Variants in SEZ6 observed in about 807,000 individuals in gnomAD.
SEZ6 encodes seizure related 6 homolog.
SEZ6 carries 53 observed loss-of-function variants against 101.0 expected under a neutral mutation model. That is an observed-to-expected ratio of 0.52 (90% CI 0.42 to 0.66). The LOEUF (loss-of-function observed/expected upper bound fraction) is 0.66. SEZ6 is among the 30% of genes least tolerant of loss of function. SEZ6 has a pLI of 0.00. For missense variants in SEZ6, 1,102 were observed against 1,289.4 expected (o/e 0.85, Z 2.23); for synonymous variants, 488 against 512.2 (o/e 0.95, Z 0.64).
chr17:29,005,906 G>A lies in SEZ6; in HGVS notation c.-37C>T. 7.1e-7 allele frequency: 1 copy of A among 1,408,586 alleles called. No homozygotes were observed. Among genetic ancestry groups the A allele is most frequent in the South Asian group, 1.4e-5 (1 of 71,726 alleles). The allele number at this position is 1,408,586 out of a possible 1,614,324, so 87.3% of individuals were successfully genotyped here. A position where few individuals can be genotyped will look rare whatever the true frequency, so the allele number is the denominator to read the frequency against. On this transcript the variant is annotated 5_prime_UTR_variant, in exon 1 of 17. Transcript: ENST00000317338. This position sits in a 1 kb window ranked among gnomAD's most constrained non-coding sequence, Gnocchi z 4.8. ...CGGCCGCGCCCTGGGCTGGGACCGC[G>A]GCGGGAGGGCGGGGGGCTTGGTGGG...
intron 1 of SEZ6, among the ~76,000 whole-genome samples, chr17:28,995,777 G>A (rs972537280): frequency 1.3e-5 from 2 of 152,156 alleles, no homozygotes; most frequent in African/African-American, 4.8e-5. Flanking sequence ...GGGACCCAGG[G>A]TGAAGGCTCA....
chr17:28,997,250 C>A (rs892979382), intron 1 of SEZ6, among the ~76,000 whole-genome samples: 1 of 152,164 alleles, frequency 6.6e-6, no homozygotes, highest in African/African-American at 2.4e-5. Flanking sequence ...ACATTCACAC[C>A]TTTGCCCGGA....
intron 4 of SEZ6, among the ~76,000 whole-genome samples, chr17:28,967,891 C>T (rs539036070): frequency 6.6e-6 from 1 of 152,292 alleles, no homozygotes; most frequent in South Asian, 2.1e-4. Context: ...GGAGCCTGAA[C>T]CACTGCAATC....
chr17:29,003,447 C>T (rs1307929477), intron 1 of SEZ6, among the ~76,000 whole-genome samples: 1 of 152,264 alleles, frequency 6.6e-6, no homozygotes. Flanking sequence ...CTGGGCCGTG[C>T]CTGGCTACAT....
Position 28,981,394 on chromosome 17 carries a change from G to A in SEZ6, c.701C>T (p.Thr234Ile), listed in dbSNP as rs975163109. 1.3e-6 allele frequency: 2 copies of A among 1,551,934 alleles called. No homozygotes were observed. The highest frequency in any genetic ancestry group is 2.0e-5 in the Admixed American group (1 of 51,094). Residue 234 changes from threonine (T) to isoleucine (I), a missense_variant, in exon 2 of 17, where the codon ACC (threonine) becomes ATC (isoleucine). Around this residue, in one of 3 missense-constraint regions of SEZ6, gnomAD observed 406 missense variants for 418.6 expected, o/e 0.97. Transcript: ENST00000317338. Reference protein sequence around the residue: ...TTTTTTIITTTITTVQTPGPC... With the variant: ...TTTTTTIITTIITTVQTPGPC... ...ACCTGGTGTCTGGACTGTGGTGATG[G>A]TGGTGGTGATGATGGTGGTGGTAGT...
At chr17:28,997,556 C>G (rs1226079733) in intron 1 of SEZ6, among the ~76,000 whole-genome samples, 1 of 152,204 alleles carries the variant, frequency 6.6e-6, no homozygotes, top group Non-Finnish European at 1.5e-5. Flanking sequence ...ACCCCCACTG[C>G]TGCCTCAGCG....
At chr17:28,969,986 G>A in intron 3 of SEZ6, 34 bp from the exon 4 acceptor site, 1 of 1,505,734 alleles carries the variant, frequency 6.6e-7, no homozygotes, top group Non-Finnish European at 8.8e-7. Flanking sequence ...AAGCAAAGTA[G>A]TCAGACTTCT....
intron 1 of SEZ6, among the ~76,000 whole-genome samples, chr17:28,992,891 C>T (rs966828945): frequency 1.3e-5 from 2 of 152,170 alleles, no homozygotes; most frequent in African/African-American, 4.8e-5. Context: ...GCTCCTGCGT[C>T]ACCTGCTGCA....
Position 29,002,453 on chromosome 17 carries a change from A to T in SEZ6, c.55+3362T>A, listed in dbSNP as rs188141761. Among the ~76,000 whole-genome samples, 517 of 152,276 alleles carry T rather than the reference A, an allele frequency of 3.4e-3. 2 individuals are homozygous for T. The highest frequency in any genetic ancestry group is 0.012 in the African/African-American group (484 of 41,542). ...CGGCCACCCTGCTGAGGAGGCCAGG[A>T]TGGCCGCCAGGGCCTGCCAAGCTTA... is the stretch of plus-strand genomic sequence containing the variant. On this transcript the variant is annotated intron_variant, in intron 1 of 16. Coordinates refer to ENST00000317338, the MANE Select transcript of SEZ6 (RefSeq NM_178860.5).
intron 1 of SEZ6, among the ~76,000 whole-genome samples, chr17:28,989,495 T>A (rs920941566): frequency 1.3e-5 from 2 of 152,206 alleles, no homozygotes; most frequent in Non-Finnish European, 2.9e-5. Context: ...AATAGACCTT[T>A]GTGATGATGG....
chr17:28,988,505 C>G (rs764470348), intron 1 of SEZ6, among the ~76,000 whole-genome samples: 4 of 152,196 alleles, frequency 2.6e-5, no homozygotes, highest in Non-Finnish European at 4.4e-5. Context: ...GTGGGTCCTG[C>G]CAGGAGAAGA....
At chr17:28,995,636 CTT>C (rs1342193277) in intron 1 of SEZ6, among the ~76,000 whole-genome samples, 1 of 152,260 alleles carries the variant, frequency 6.6e-6, no homozygotes, top group East Asian at 1.9e-4. Context: ...GAACAAAAGA[CTT>C]TGAAAGCAAA....
chr17:28,983,084 G>A (rs2041333188), intron 1 of SEZ6, among the ~76,000 whole-genome samples: 1 of 152,182 alleles, frequency 6.6e-6, no homozygotes, highest in African/African-American at 2.4e-5. Context: ...TGAGTAGAGT[G>A]GGAAGAGCCA....
In SEZ6 at chr17:28,959,737, G is replaced by C. The variant is rs2040946202; in HGVS notation, c.1732C>G (p.His578Asp). ...TCTGTCTCATTCCACTGGGGGTCGTGGGGGTCAACACACTCGATGATGATG... is the reference window on the plus strand; with the variant it reads ...TCTGTCTCATTCCACTGGGGGTCGTCGGGGTCAACACACTCGATGATGATG... ...GSIIIECVDP[H>D]DPQWNETEPA... The change falls in exon 8 of 17, where the codon CAC becomes GAC. Residue 578 changes from histidine to aspartate, a missense_variant. Transcript: ENST00000317338. The surrounding 1 kb of genome is among the most constrained non-coding windows in gnomAD (Gnocchi z 4.4). 6.2e-7 allele frequency: 1 copy of C among 1,608,818 alleles called. No individual in the cohort carries two copies. The highest frequency in any genetic ancestry group is 1.1e-5 in the South Asian group (1 of 90,556).
chr17:28,992,995 T>C (rs148825871), intron 1 of SEZ6, among the ~76,000 whole-genome samples: 110 of 152,194 alleles, frequency 7.2e-4, no homozygotes, highest in Middle Eastern at 3.4e-3. Flanking sequence ...TTCCTCAGAC[T>C]GGGCAGGTGG....
At chr17:28,977,331 C>T (rs976195138) in intron 3 of SEZ6, among the ~76,000 whole-genome samples, 24 of 152,216 alleles carry the variant, frequency 1.6e-4, no homozygotes, top group Non-Finnish European at 2.9e-5. Flanking sequence ...CTCTGGCCAC[C>T]CTGTGCCCGC....
At chr17:29,004,829 C>G (rs1057397907) in intron 1 of SEZ6, among the ~76,000 whole-genome samples, 1 of 152,152 alleles carries the variant, frequency 6.6e-6, no homozygotes, top group African/African-American at 2.4e-5. Flanking sequence ...GACGGCAGGT[C>G]CAGACAAGAC....
chr17:28,979,052 T>TG (rs1222181613), intron 3 of SEZ6, among the ~76,000 whole-genome samples: 1 of 151,990 alleles, frequency 6.6e-6, no homozygotes, highest in Non-Finnish European at 1.5e-5. Flanking sequence ...GGAGTGGCTT[T>TG]GGGGGAACAA....
Position 28,959,570 on chromosome 17 carries a change from C to A in SEZ6, c.1772-98G>T. On this transcript the variant is annotated intron_variant, in intron 8 of 16. Coordinates refer to ENST00000317338, the MANE Select transcript of SEZ6 (RefSeq NM_178860.5). This position sits in a 1 kb window ranked among gnomAD's most constrained non-coding sequence, Gnocchi z 4.4. ...GTGCCCACAAATTGCTGGGACCCCC[C>A]ACCTCCTCCTTGGAGGAAGCCTGAA... 1 of 1,554,868 alleles carries A rather than the reference C, an allele frequency of 6.4e-7. No homozygotes were observed. Among genetic ancestry groups the A allele is most frequent in the Non-Finnish European group, 8.7e-7 (1 of 1,151,916 alleles).
Sources: allele counts gnomAD v4.1 joint callset (sites outside exome capture counted in the v4.1 genomes callset), GRCh38; gene constraint gnomAD v4.1.1; regional missense constraint gnomAD v4.1.1; non-coding constraint Gnocchi (gnomAD v3.1); transcripts MANE v1.5; gene names NCBI Gene and HGNC (gene_info 2026-07-23, HGNC 2026-07-21).